Variants in TJP1 observed in about 807,000 individuals in gnomAD.
TJP1 encodes tight junction protein ZO-1.
Under a neutral mutation model 194.2 loss-of-function variants are expected in TJP1, and 43 were observed. The ratio of observed to expected loss-of-function variants is 0.22; its 90% CI spans 0.17 to 0.29. The LOEUF (loss-of-function observed/expected upper bound fraction) is 0.29. Among genes scored for constraint, TJP1 ranks in the 10% least tolerant of loss-of-function variants. The probability of loss-of-function intolerance (pLI) is 1.00; values close to 1 mark genes in which losing one functional copy is unlikely to be tolerated. For synonymous variants in TJP1, 801 were observed against 779.0 expected, an observed-to-expected ratio of 1.03 and a Z score of -0.47; for missense variants, 1,971 against 2,185.7, an observed-to-expected ratio of 0.90 and a Z score of 1.96.
intron 2 of TJP1, among the ~76,000 whole-genome samples, chr15:29,842,904 C>CT (rs1309467518): frequency 6.6e-6 from 1 of 152,154 alleles, no homozygotes; most frequent in Non-Finnish European, 1.5e-5. Flanking sequence ...ATGGTCTTGG[C>CT]TTTGCCAGCT....
intron 2 of TJP1, among the ~76,000 whole-genome samples, chr15:29,942,006 G>A (rs552127441): frequency 2.4e-4 from 37 of 152,296 alleles, no homozygotes; most frequent in Admixed American, 1.2e-3. Flanking sequence ...CCAGAGCTGC[G>A]TCTCAGCCCT....
intron 2 of TJP1, among the ~76,000 whole-genome samples, chr15:29,939,523 G>C (rs2054995494): frequency 6.6e-6 from 1 of 152,040 alleles, no homozygotes; most frequent in Admixed American, 6.6e-5. Flanking sequence ...CCAACCCCTA[G>C]CACAGGCTCA....
rs781036317 is a variant in TJP1 at position 29,720,332 on chromosome 15, C to G, written c.2763+26G>C. The G allele has an allele frequency of 7.2e-6, 11 of 1,519,038 alleles. No individual in the cohort carries two copies. The African/African-American group carries it at 1.1e-4, about 15-fold the overall frequency. 94.1% of individuals were successfully genotyped at this position (1,519,038 alleles called of 1,614,324 possible). On this transcript the variant is annotated intron_variant, in intron 19 of 27. Transcript: ENST00000614355. ...AAATTTAATAATGCACCTCTATCTACAAAACGTTGAATGCTTGCTGCTTAC... is the reference window on the plus strand; with the variant it reads ...AAATTTAATAATGCACCTCTATCTAGAAAACGTTGAATGCTTGCTGCTTAC...
intron 2 of TJP1, among the ~76,000 whole-genome samples, chr15:29,928,739 CGA>C (rs1364138293): frequency 6.6e-6 from 1 of 152,000 alleles, no homozygotes. Context: ...GTCAGGAGAT[CGA>C]GACCATCCTG....
chr15:29,839,124 G>A (rs1247697332), intron 2 of TJP1, among the ~76,000 whole-genome samples: 3 of 142,364 alleles, frequency 2.1e-5, no homozygotes, highest in Non-Finnish European at 3.0e-5. Context: ...TCAGCCTCCC[G>A]AGTAGCTGGG....
intron 2 of TJP1, among the ~76,000 whole-genome samples, chr15:29,848,230 C>G (rs1424909691): frequency 6.6e-6 from 1 of 151,566 alleles, no homozygotes; most frequent in Non-Finnish European, 1.5e-5. Context: ...ATCAGATCCT[C>G]TTAGATTGTG....
Position 29,734,277 on chromosome 15 carries a change from CCTT to C in TJP1, c.1510_1512del (p.Lys504del), listed in dbSNP as rs763327074. 82 of 1,599,508 alleles carry C rather than the reference CCTT, an allele frequency of 5.1e-5. No homozygotes were observed. The highest frequency in any genetic ancestry group is 6.4e-5 in the Non-Finnish European group (75 of 1,172,452). On this transcript the variant is annotated inframe_deletion, in exon 12 of 28. Coordinates refer to ENST00000614355, the MANE Select transcript of TJP1 (RefSeq NM_001330239.4). ...CCATTTTCTGACAGCATCTCACCAT[CCTT>C]CTTCTTCTGAGCCAATATGGTCACT...
At chr15:29,888,151 G>A (rs2053183363) in intron 2 of TJP1, among the ~76,000 whole-genome samples, 1 of 151,834 alleles carries the variant, frequency 6.6e-6, no homozygotes, top group African/African-American at 2.4e-5. Context: ...AAAAAATCAA[G>A]ATACTAAATT....
intron 2 of TJP1, among the ~76,000 whole-genome samples, chr15:29,886,898 T>C (rs1460217963): frequency 6.6e-6 from 1 of 151,878 alleles, no homozygotes; most frequent in Non-Finnish European, 1.5e-5. Context: ...AACATAAATT[T>C]TCCAAAGTTC....
intron 2 of TJP1, among the ~76,000 whole-genome samples, chr15:29,783,024 A>G (rs1481978446): frequency 1.3e-5 from 2 of 152,108 alleles, no homozygotes; most frequent in African/African-American, 2.4e-5. Flanking sequence ...CTGTAATACC[A>G]GCACTTTGGG....
At chr15:29,849,895 A>G (rs1045577552) in intron 2 of TJP1, among the ~76,000 whole-genome samples, 1 of 152,114 alleles carries the variant, frequency 6.6e-6, no homozygotes, top group African/African-American at 2.4e-5. Flanking sequence ...CACTTCTAAC[A>G]AACAGAATAA....
intron 2 of TJP1, among the ~76,000 whole-genome samples, chr15:29,776,811 C>T (rs1051651152): frequency 6.6e-6 from 1 of 152,112 alleles, no homozygotes; most frequent in Non-Finnish European, 1.5e-5. Flanking sequence ...TGAAAAGCTA[C>T]TGAGCTTATG....
chr15:29,883,934 G>A (rs573406702), intron 2 of TJP1, among the ~76,000 whole-genome samples: 57 of 152,246 alleles, frequency 3.7e-4, no homozygotes, highest in Middle Eastern at 3.4e-3. Context: ...ATATCCACTC[G>A]TACAATGCTA....
At chr15:29,845,639 C>T (rs1334268081) in intron 2 of TJP1, among the ~76,000 whole-genome samples, 1 of 151,888 alleles carries the variant, frequency 6.6e-6, no homozygotes, top group Admixed American at 6.6e-5. Context: ...CCCATCTCTA[C>T]TGAAAAAAAA....
chr15:29,880,937 C>T (rs894384317), intron 2 of TJP1, among the ~76,000 whole-genome samples: 9 of 152,140 alleles, frequency 5.9e-5, no homozygotes, highest in African/African-American at 7.2e-5. Flanking sequence ...ATCCTGTTTT[C>T]GCTTCTTTTG....
chr15:29,705,448 G>A, intron 26 of TJP1, 80 bp downstream of exon 26: 3 of 1,398,796 alleles, frequency 2.1e-6, no homozygotes, highest in Non-Finnish European at 2.0e-6. Flanking sequence ...TGCATTATTA[G>A]CCAAGCACTA....
intron 2 of TJP1, among the ~76,000 whole-genome samples, chr15:29,896,226 T>C (rs574468194): frequency 2.0e-4 from 31 of 152,314 alleles, no homozygotes; most frequent in South Asian, 1.9e-3. Flanking sequence ...TGGGAGGTGA[T>C]TGAATGATGG....
chr15:29,701,542 T>G lies in TJP1; in HGVS notation c.*53A>C. 1 of 1,448,718 alleles carries G rather than the reference T, an allele frequency of 6.9e-7. No individual in the cohort carries two copies. Among genetic ancestry groups the G allele is most frequent in the Non-Finnish European group, 9.7e-7 (1 of 1,032,890 alleles). 89.7% of individuals were successfully genotyped at this position (1,448,718 alleles called of 1,614,324 possible). On this transcript the variant is annotated 3_prime_UTR_variant, in exon 28 of 28. Transcript: ENST00000614355. ...ATAATACTTGATAGAGTGGTTCCATTTAGATTAAGTTTAATCCAGTTTCAC... is the reference window on the plus strand; with the variant it reads ...ATAATACTTGATAGAGTGGTTCCATGTAGATTAAGTTTAATCCAGTTTCAC...
intron 2 of TJP1, among the ~76,000 whole-genome samples, chr15:29,869,448 A>G (rs2052417823): frequency 6.6e-6 from 1 of 152,230 alleles, no homozygotes; most frequent in Admixed American, 6.5e-5. Context: ...GAGATTTGGC[A>G]GTGTTTATCA....
Sources: gnomAD v4.1 joint callset for allele counts (sites outside exome capture counted in the v4.1 genomes callset) on GRCh38, gnomAD v4.1.1 for gene constraint, MANE v1.5 for transcripts, NCBI Gene and HGNC (gene_info 2026-07-23, HGNC 2026-07-21) for gene names.